MDN1: variants seen among roughly 807,000 people sequenced by gnomAD.
MDN1 encodes the protein midasin AAA ATPase 1, also known as midasin.
A neutral mutation model predicts 669.2 loss-of-function variants in MDN1; 266 were observed. The observed-to-expected ratio is 0.40, with a 90% CI of 0.36 to 0.44. The LOEUF (loss-of-function observed/expected upper bound fraction) is 0.44, where lower values mean the gene tolerates loss of function less well. Among genes scored for constraint, MDN1 ranks in the 20% least tolerant of loss-of-function variants. MDN1 has a pLI of 1.00. For missense variants in MDN1, 5,940 were observed against 6,754.0 expected (o/e 0.88, Z 4.22); for synonymous variants, 2,385 against 2,457.1 (o/e 0.97, Z 0.87).
At chr6:89,645,430 G>A (rs1320177743) in intron 100 of MDN1, among the ~76,000 whole-genome samples, 1 of 152,176 alleles carries the variant, frequency 6.6e-6, no homozygotes, top group Non-Finnish European at 1.5e-5. Flanking sequence ...TTCAAGAAAT[G>A]TTAAGTTCTG....
chr6:89,701,638 T>G lies in MDN1; in HGVS notation c.8347A>C (p.Asn2783His), dbSNP rs763315551. 1.2e-6 allele frequency: 2 copies of G among 1,614,052 alleles called. No homozygotes were observed. The highest frequency in any genetic ancestry group is 1.7e-6 in the Non-Finnish European group (2 of 1,180,002). Residue 2783 changes from asparagine (N) to histidine (H), a missense_variant, in exon 55 of 102, where the codon AAT (asparagine) becomes CAT (histidine). Transcript: ENST00000369393. Reference sequence around the variant, plus strand: ...CCACCAGTCTGGCTCCCCAGACAATTCTGAATATGTTCTGAGACAGTCTGA... The same window carrying G: ...CCACCAGTCTGGCTCCCCAGACAATGCTGAATATGTTCTGAGACAGTCTGA... ...EVQTVSEHIQNCLGSQTGGFA... is the reference protein window; with the variant it reads ...EVQTVSEHIQHCLGSQTGGFA...
At chr6:89,803,599 T>G in intron 1 of MDN1, 45 bp from the exon 2 acceptor site, 1 of 1,287,764 alleles carries the variant, frequency 7.8e-7, no homozygotes, top group Non-Finnish European at 1.1e-6. Flanking sequence ...TTTTTTTTTT[T>G]GAGACACAGT....
intron 84 of MDN1, among the ~76,000 whole-genome samples, chr6:89,665,750 A>AAAG (rs1810159433): frequency 6.8e-6 from 1 of 146,400 alleles, no homozygotes; most frequent in Non-Finnish European, 1.5e-5. Context: ...TTAAAATACA[A>AAAG]AAGTAATAGC....
At chr6:89,800,147 G>A (rs1371628815) in intron 2 of MDN1, among the ~76,000 whole-genome samples, 1 of 152,098 alleles carries the variant, frequency 6.6e-6, no homozygotes, top group African/African-American at 2.4e-5. Context: ...GGAAAAACAG[G>A]CCGGGCACGG....
intron 82 of MDN1, 133 bp from the exon 83 acceptor site, chr6:89,671,213 G>A (rs1024992979): frequency 4.3e-6 from 4 of 931,992 alleles, no homozygotes; most frequent in Non-Finnish European, 6.3e-6. Flanking sequence ...CAAGTTACAT[G>A]TATGTGTTTG....
At chr6:89,810,614 T>C (rs1053543150) in intron 1 of MDN1, among the ~76,000 whole-genome samples, 4 of 152,194 alleles carry the variant, frequency 2.6e-5, no homozygotes, top group African/African-American at 9.7e-5. Flanking sequence ...ATCCCTGCTG[T>C]TCCTTGTCTC....
intron 7 of MDN1, among the ~76,000 whole-genome samples, chr6:89,788,740 G>A (rs779584897): frequency 3.3e-5 from 5 of 152,064 alleles, no homozygotes; most frequent in Non-Finnish European, 5.9e-5. Flanking sequence ...GAGGAAAAAC[G>A]GCCAAAAAGG....
chr6:89,750,970 A>T (rs1358447637), intron 23 of MDN1, among the ~76,000 whole-genome samples: 2 of 149,716 alleles, frequency 1.3e-5, no homozygotes, highest in Non-Finnish European at 3.0e-5. Flanking sequence ...TTAAAAGAGC[A>T]TTTTTTTTTC....
Position 89,689,989 on chromosome 6 carries a change from G to A in MDN1, c.10904C>T (p.Ala3635Val). The change falls in exon 65 of 102, where the codon GCT (alanine) becomes GTT (valine). Residue 3635 changes from alanine to valine, a missense_variant. Ala to Val is a moderately conservative substitution (Grantham distance 64, BLOSUM62 0). Around this residue, in one of 5 missense-constraint regions of MDN1, gnomAD observed 2,280 missense variants for 2,576.3 expected, o/e 0.88. Transcript: ENST00000369393. ...LIHQQLCLNF[A>V]RSLWYQQTLP... ...AGTCTGTTGATACCAGAGGGATCGA[G>A]CAAAGTTGAGACACAATTGCTGGTG... The A allele has an allele frequency of 6.2e-7, 1 of 1,614,228 alleles. No homozygotes were observed. The highest frequency in any genetic ancestry group is 8.5e-7 in the Non-Finnish European group (1 of 1,180,038).
intron 8 of MDN1, 26 bp downstream of exon 8, chr6:89,787,828 A>G: frequency 6.4e-7 from 1 of 1,568,356 alleles, no homozygotes; most frequent in Non-Finnish European, 8.7e-7. Flanking sequence ...CTCCAGAGTG[A>G]AAACAGAAAG....
At position 89,712,113 on chromosome 6, in the gene MDN1, T is replaced by C; in HGVS notation, c.7574A>G (p.Glu2525Gly). ...VLVMAVKLLI[E>G]RATNQDWMLR... ...CATCCAATCCTGATTGGTTGCTCTT[T>C]CTATGAGCAATTTAACAGCCATGAC... The change falls in exon 49 of 102, where the codon GAA (glutamate) becomes GGA (glycine). Residue 2525 changes from glutamate (E) to glycine (G), a missense_variant. This residue lies in a region of MDN1 where 2,292 missense variants were observed against 2,638.3 expected (regional missense o/e 0.87). Transcript: ENST00000369393. 1 of 1,614,182 alleles carries C rather than the reference T, an allele frequency of 6.2e-7. No homozygotes were observed. The highest frequency in any genetic ancestry group is 8.5e-7 in the Non-Finnish European group (1 of 1,179,992).
rs1428679335 is a variant in MDN1 at position 89,688,730 on chromosome 6, G to A, written c.11102C>T (p.Ala3701Val). 1 of 1,614,216 alleles carries A rather than the reference G, an allele frequency of 6.2e-7. No individual in the cohort carries two copies. Among genetic ancestry groups the A allele is most frequent in the Non-Finnish European group, 8.5e-7 (1 of 1,180,036 alleles). ...AGGTTTCACCATCAGGTCTGAGGGT[G>A]CCTCCCCAAAAAGAGTGTTATGGGA... ...TLSHNTLFGE[A>V]PSDLMVKPDG... is the part of the protein sequence containing the mutation. The change falls in exon 66 of 102, where the codon GCA (alanine) becomes GTA (valine). Residue 3701 changes from alanine to valine, a missense_variant. By Grantham distance (64) the Ala-to-Val change is moderately conservative (BLOSUM62 0). Transcript: ENST00000369393.
intron 20 of MDN1, among the ~76,000 whole-genome samples, chr6:89,756,045 T>C (rs1817227311): frequency 6.6e-6 from 1 of 152,228 alleles, no homozygotes; most frequent in Non-Finnish European, 1.5e-5. Flanking sequence ...CATTATCTGA[T>C]GGTTTATATC....
intron 82 of MDN1, among the ~76,000 whole-genome samples, chr6:89,671,475 C>CA (rs1436231472): frequency 6.6e-6 from 1 of 151,952 alleles, no homozygotes; most frequent in African/African-American, 2.4e-5. Context: ...CCCATTTCTA[C>CA]AAAAAATACC....
chr6:89,646,793 G>GT (rs769980067), intron 99 of MDN1, among the ~76,000 whole-genome samples, 190 bp from the exon 100 acceptor site: 7 of 152,082 alleles, frequency 4.6e-5, no homozygotes, highest in Admixed American at 3.3e-4. Context: ...CAGACATTCT[G>GT]TTTTTTAATT....
intron 11 of MDN1, among the ~76,000 whole-genome samples, chr6:89,778,053 GTC>G (rs1238474025): frequency 1.3e-5 from 2 of 152,038 alleles, no homozygotes; most frequent in Admixed American, 1.3e-4. Context: ...ATGATAAATT[GTC>G]TCTGTCTAGG....
In MDN1 at chr6:89,719,225, C is replaced by A; in HGVS notation, c.5968G>T (p.Val1990Phe). Residue 1990 changes from valine (V) to phenylalanine (F), a missense_variant and splice_region_variant, in exon 41 of 102, where the codon GTC becomes TTC. Val to Phe is a conservative substitution (Grantham distance 50). Transcript: ENST00000369393. ...AACACATCCTTGAATACAGCAATGA[C>A]CTAAAGGAAGAAGATAATGCAATGA... ...RMRTEEDKKK[V>F]IAVFKDVFGS... 6.2e-7 allele frequency: 1 copy of A among 1,611,506 alleles called. No individual in the cohort carries two copies. The highest frequency in any genetic ancestry group is 8.5e-7 in the Non-Finnish European group (1 of 1,177,806).
At chr6:89,663,431 C>T (rs1809950110) in intron 85 of MDN1, among the ~76,000 whole-genome samples, 2 of 152,154 alleles carry the variant, frequency 1.3e-5, no homozygotes, top group African/African-American at 4.8e-5. Flanking sequence ...AAGGTCATAT[C>T]CTATGTGCCT....
chr6:89,656,315 G>GT (rs1333015407), intron 91 of MDN1, among the ~76,000 whole-genome samples: 3 of 152,032 alleles, frequency 2.0e-5, no homozygotes, highest in Admixed American at 1.3e-4. Context: ...TAGGGGATTG[G>GT]TTTTTTACAC....
Sources: allele counts gnomAD v4.1 joint callset (sites outside exome capture counted in the v4.1 genomes callset), GRCh38; gene constraint gnomAD v4.1.1; regional missense constraint gnomAD v4.1.1; transcripts MANE v1.5; gene names NCBI Gene and HGNC (gene_info 2026-07-23, HGNC 2026-07-21).